The following STAM2 variants were observed in gnomAD, a reference collection of about 807,000 sequenced individuals.
The protein encoded by STAM2 is signal transducing adapter molecule 2.
STAM2 carries 51 observed loss-of-function variants against 65.6 expected under a neutral mutation model. The observed-to-expected ratio is 0.78, with a 90% CI of 0.62 to 0.98. The LOEUF (loss-of-function observed/expected upper bound fraction) is 0.98, where lower values mean the gene tolerates loss of function less well. Among genes scored for constraint, STAM2 ranks in the 50% least tolerant of loss-of-function variants. The pLI is 0.00. For synonymous variants in STAM2, 198 were observed against 208.4 expected, an observed-to-expected ratio of 0.95 and a Z score of 0.43; for missense variants, 584 against 617.8, an observed-to-expected ratio of 0.95 and a Z score of 0.58.
At chr2:152,150,821 A>G (rs937358168) in intron 1 of STAM2, among the ~76,000 whole-genome samples, 6 of 152,248 alleles carry the variant, frequency 3.9e-5, no homozygotes, top group African/African-American at 1.4e-4. Flanking sequence ...AAAATTAGAA[A>G]GTATATCATA....
intron 1 of STAM2, among the ~76,000 whole-genome samples, chr2:152,151,322 C>T (rs780859233): frequency 6.6e-6 from 1 of 152,080 alleles, no homozygotes; most frequent in Non-Finnish European, 1.5e-5. Flanking sequence ...GCTGAGACTA[C>T]AGGCGCCTGC....
intron 1 of STAM2, among the ~76,000 whole-genome samples, chr2:152,159,096 T>TAC (rs1579330693): frequency 7.5e-6 from 1 of 132,650 alleles, no homozygotes; most frequent in East Asian, 2.9e-4. Context: ...AAAAAAACCA[T>TAC]ATATATATAT....
chr2:152,143,437 G>A (rs936971498), intron 7 of STAM2, among the ~76,000 whole-genome samples: 1 of 152,184 alleles, frequency 6.6e-6, no homozygotes, highest in Non-Finnish European at 1.5e-5. Context: ...AATTGGGGAG[G>A]AGCCAAGTAT....
At chr2:152,124,451 T>G (rs1688915877) in intron 12 of STAM2, 2 of 152,504 alleles carry the variant, frequency 1.3e-5, no homozygotes, top group Admixed American at 6.5e-5. Flanking sequence ...ATTCTCTACC[T>G]TTAAGACAAA....
chr2:152,121,902 G>A (rs1688859658), intron 13 of STAM2, among the ~76,000 whole-genome samples: 1 of 151,992 alleles, frequency 6.6e-6, no homozygotes, highest in Non-Finnish European at 1.5e-5. Context: ...AACAAAATTA[G>A]CTGGGTGTGG....
At chr2:152,135,388 C>T (rs1161040685) in intron 8 of STAM2, 121 bp downstream of exon 8, 4 of 705,048 alleles carry the variant, frequency 5.7e-6, no homozygotes, top group African/African-American at 3.8e-5. Context: ...ATTGTCATGC[C>T]TATAAAGAAA....
intron 5 of STAM2, among the ~76,000 whole-genome samples, chr2:152,146,898 T>C (rs3768648): frequency 0.2 from 29,857 of 152,196 alleles, 3,337 homozygotes; most frequent in Admixed American, 0.29. Context: ...GTATGTCATA[T>C]ACCTATGCCT....
intron 7 of STAM2, among the ~76,000 whole-genome samples, chr2:152,142,750 T>C (rs1396549872): frequency 1.3e-5 from 2 of 152,230 alleles, no homozygotes; most frequent in African/African-American, 4.8e-5. Flanking sequence ...TCAGGGATCA[T>C]GGTGTTCCAC....
rs1033633492 is a variant in STAM2, at chr2:152,143,864, A to C, written c.667T>G (p.Phe223Val). Residue 223 changes from phenylalanine to valine, a missense_variant, in exon 7 of 14, where the codon TTT becomes GTT. By Grantham distance (50) the Phe-to-Val change is conservative. Coordinates refer to ENST00000263904, the MANE Select transcript of STAM2 (RefSeq NM_005843.6). ...ACAATAATTATTTCACCATGTTTAAAGGTGAGTTCATTGTCCTCAACAGCT... is the reference window on the plus strand; with the variant it reads ...ACAATAATTATTTCACCATGTTTAACGGTGAGTTCATTGTCCTCAACAGCT... ...FEAVEDNELTFKHGEIIIVLD... is the reference protein window; with the variant it reads ...FEAVEDNELTVKHGEIIIVLD... 4 of 1,612,584 alleles carry C rather than the reference A, an allele frequency of 2.5e-6. No homozygotes were observed. The African/African-American group carries it at 4.0e-5, about 16-fold the overall frequency.
At position 152,138,431 on chromosome 2, in the gene STAM2, T is replaced by C. The variant is rs561193273; in HGVS notation, c.705-2828A>G. Among the ~76,000 whole-genome samples the C allele has an allele frequency of 7.5e-4, 114 of 152,296 alleles. 1 individual carries two copies. The highest frequency in any genetic ancestry group is 2.6e-3 in the African/African-American group (107 of 41,584). On this transcript the variant is annotated intron_variant, in intron 7 of 13. Transcript: ENST00000263904. ...AAAGCATACTACTGAGTTTTGTATG[T>C]TGAGCTTGTATCCAACAACCTTTAT...
chr2:152,144,219 C>T (rs867136638), intron 6 of STAM2, among the ~76,000 whole-genome samples: 2 of 152,074 alleles, frequency 1.3e-5, no homozygotes, highest in South Asian at 2.1e-4. Context: ...TTATCACGGT[C>T]TGTCATACAC....
intron 1 of STAM2, 93 bp downstream of exon 1, chr2:152,175,510 A>C: frequency 6.6e-7 from 1 of 1,516,944 alleles, no homozygotes; most frequent in East Asian, 2.3e-5. Context: ...TTTGCTTCCT[A>C]GTCCCCGGAG....
chr2:152,161,717 C>T (rs895575686), intron 1 of STAM2, among the ~76,000 whole-genome samples: 8 of 152,150 alleles, frequency 5.3e-5, no homozygotes, highest in African/African-American at 1.9e-4. Context: ...TAATTTTCCA[C>T]CCCATTTAAT....
At chr2:152,125,709 G>A (rs757472199) in intron 12 of STAM2, among the ~76,000 whole-genome samples, 1 of 152,152 alleles carries the variant, frequency 6.6e-6, no homozygotes, top group Non-Finnish European at 1.5e-5. Flanking sequence ...ATGCAGCTAA[G>A]TAAAGGAAGT....
intron 11 of STAM2, among the ~76,000 whole-genome samples, chr2:152,127,807 T>A (rs1416127067): frequency 2.0e-5 from 3 of 152,184 alleles, no homozygotes; most frequent in Non-Finnish European, 4.4e-5. Context: ...ACTTGATAGT[T>A]CCCCTGGGAG....
intron 1 of STAM2, among the ~76,000 whole-genome samples, chr2:152,171,314 T>C (rs1018956401): frequency 1.3e-5 from 2 of 152,174 alleles, no homozygotes; most frequent in Non-Finnish European, 2.9e-5. Flanking sequence ...TTCTATTTTA[T>C]GCTGAAAATA....
chr2:152,143,776 T>C, intron 7 of STAM2, 51 bp downstream of exon 7: 1 of 1,419,482 alleles, frequency 7.0e-7, no homozygotes, highest in South Asian at 1.3e-5. Context: ...CTCTGGATTC[T>C]AAATTAAGGG....
chr2:152,158,552 A>C (rs935232100), intron 1 of STAM2, among the ~76,000 whole-genome samples: 1 of 152,226 alleles, frequency 6.6e-6, no homozygotes, highest in African/African-American at 2.4e-5. Context: ...AATTTAGAGT[A>C]AACAGAAGGC....
chr2:152,173,905 C>T (rs1689956571), intron 1 of STAM2, among the ~76,000 whole-genome samples: 1 of 152,144 alleles, frequency 6.6e-6, no homozygotes, highest in Non-Finnish European at 1.5e-5. Context: ...GTTCTGAATT[C>T]AGTCATGCTT....
Sources: gnomAD v4.1 joint callset for allele counts (sites outside exome capture counted in the v4.1 genomes callset) on GRCh38, gnomAD v4.1.1 for gene constraint, MANE v1.5 for transcripts, NCBI Gene and HGNC (gene_info 2026-07-23, HGNC 2026-07-21) for gene names.